EFCAB6: variants seen among roughly 807,000 people sequenced by gnomAD.
The protein encoded by EFCAB6 is EF-hand calcium-binding domain-containing protein 6.
EFCAB6 carries 156 observed loss-of-function variants against 169.8 expected under a neutral mutation model. That is an observed-to-expected ratio of 0.92 (90% CI 0.81 to 1.05). EFCAB6 has a LOEUF of 1.05. Among genes scored for constraint, EFCAB6 ranks in the 50% least tolerant of loss-of-function variants. The pLI is 0.00. For synonymous variants in EFCAB6, 698 were observed against 676.4 expected (o/e 1.03, Z -0.50); for missense variants, 1,800 against 1,829.1 (o/e 0.98, Z 0.29).
chr22:43,797,608 C>T (rs2062558349), intron 2 of EFCAB6, among the ~76,000 whole-genome samples: 1 of 152,086 alleles, frequency 6.6e-6, no homozygotes. Context: ...CCAATACACA[C>T]ACACACATGC....
At chr22:43,801,201 G>A (rs150515174) in intron 2 of EFCAB6, among the ~76,000 whole-genome samples, 2 of 152,232 alleles carry the variant, frequency 1.3e-5, no homozygotes, top group African/African-American at 4.8e-5. Flanking sequence ...GAAAAGAAAA[G>A]ACACTGTCAT....
At chr22:43,700,097 T>C (rs1189924273) in intron 10 of EFCAB6, among the ~76,000 whole-genome samples, 3 of 152,216 alleles carry the variant, frequency 2.0e-5, no homozygotes, top group African/African-American at 7.2e-5. Context: ...ACGCACACCA[T>C]GTTAGTCAAA....
intron 24 of EFCAB6, among the ~76,000 whole-genome samples, chr22:43,589,547 G>C (rs1245482496): frequency 1.3e-5 from 2 of 152,158 alleles, no homozygotes; most frequent in African/African-American, 4.8e-5. Flanking sequence ...CAGCACTTTG[G>C]GAGACTGAGG....
chr22:43,605,448 T>TC (rs1056206782), intron 22 of EFCAB6, among the ~76,000 whole-genome samples: 1 of 151,964 alleles, frequency 6.6e-6, no homozygotes, highest in African/African-American at 2.4e-5. Context: ...ATCAAGACCA[T>TC]CCTGGCCAAC....
intron 6 of EFCAB6, among the ~76,000 whole-genome samples, chr22:43,748,524 C>T (rs944665639): frequency 1.3e-5 from 2 of 152,186 alleles, no homozygotes; most frequent in Non-Finnish European, 2.9e-5. Context: ...ATGGTCCAAA[C>T]TCAAGCTCCA....
chr22:43,731,321 A>G (rs918299471), intron 8 of EFCAB6, among the ~76,000 whole-genome samples: 1 of 152,238 alleles, frequency 6.6e-6, no homozygotes, highest in African/African-American at 2.4e-5. Context: ...TTAAAGAAAA[A>G]AAGTTGAAAA....
intron 8 of EFCAB6, among the ~76,000 whole-genome samples, chr22:43,726,755 T>C (rs182643192): frequency 3.7e-4 from 57 of 152,328 alleles, no homozygotes; most frequent in East Asian, 9.6e-4. Context: ...TCCTGAACTA[T>C]AGATGTGCAG....
At chr22:43,756,411 T>C (rs952992480) in intron 5 of EFCAB6, among the ~76,000 whole-genome samples, 1 of 152,300 alleles carries the variant, frequency 6.6e-6, no homozygotes, top group East Asian at 1.9e-4. Flanking sequence ...GGTCAATGCA[T>C]CTATACCGTC....
chr22:43,591,094 GTTGTTTTTTGTTTT>G (rs1221967777), intron 23 of EFCAB6, among the ~76,000 whole-genome samples: 1 of 129,420 alleles, frequency 7.7e-6, no homozygotes, highest in Non-Finnish European at 1.6e-5. Flanking sequence ...TGTTGTTGTT[GTTGTTTTTTGTTTT>G]TTGTTTTTTT....
Position 43,610,124 on chromosome 22 carries a change from T to C in EFCAB6, c.2563-1524A>G, listed in dbSNP as rs1048108995. Among the ~76,000 whole-genome samples, 7 of 151,996 alleles carry C rather than the reference T, an allele frequency of 4.6e-5. No individual in the cohort carries two copies. In the East Asian group the frequency reaches 1.3e-3, roughly 29 times the overall value. ...AGAGAACATCTTCATGACTCCAGAG[T>C]AGAATTCTTAAACAAGATCTACAGA... is the stretch of plus-strand genomic sequence containing the variant. On this transcript the variant is annotated intron_variant, in intron 21 of 31. Transcript: ENST00000262726.
At chr22:43,626,088 CA>C (rs2054498842) in intron 20 of EFCAB6, among the ~76,000 whole-genome samples, 1 of 152,032 alleles carries the variant, frequency 6.6e-6, no homozygotes. Flanking sequence ...TATATATTTT[CA>C]TACACACATG....
intron 28 of EFCAB6, among the ~76,000 whole-genome samples, chr22:43,538,763 G>T (rs1440186729): frequency 6.6e-6 from 1 of 152,304 alleles, no homozygotes; most frequent in South Asian, 2.1e-4. Flanking sequence ...CATACCCCTT[G>T]AGTGAATGCC....
chr22:43,784,574 C>CACATATATGTGTAT (rs1569487338), intron 2 of EFCAB6, among the ~76,000 whole-genome samples: 2 of 54,802 alleles, frequency 3.6e-5, no homozygotes, highest in Non-Finnish European at 6.4e-5. Context: ...TATATGTGTA[C>CACATATATGTGTAT]ATATACACAT....
chr22:43,784,633 G>GTGTATA (rs769950101), intron 2 of EFCAB6, among the ~76,000 whole-genome samples: 1 of 64,132 alleles, frequency 1.6e-5, no homozygotes, highest in African/African-American at 6.5e-5. Flanking sequence ...ACATATATAT[G>GTGTATA]TATATGTACA....
At chr22:43,722,793 G>A (rs1569441905) in intron 8 of EFCAB6, among the ~76,000 whole-genome samples, 1 of 152,082 alleles carries the variant, frequency 6.6e-6, no homozygotes. Context: ...GCAAAGACAT[G>A]GAATAAACAT....
At chr22:43,653,198 A>C (rs1025366084) in intron 17 of EFCAB6, among the ~76,000 whole-genome samples, 1 of 152,212 alleles carries the variant, frequency 6.6e-6, no homozygotes, top group Non-Finnish European at 1.5e-5. Flanking sequence ...GATAAAACAC[A>C]TTAACCTACA....
At position 43,705,913 on chromosome 22, in the gene EFCAB6, C is replaced by T. The variant is rs137860812; in HGVS notation, c.1031+5562G>A. Among the ~76,000 whole-genome samples, 500 of 151,784 alleles carry T rather than the reference C, an allele frequency of 3.3e-3. 1 individual carries two copies. The highest frequency in any genetic ancestry group is 0.012 in the African/African-American group (480 of 41,408). ...AAAGCAGAAATAAGATACATAGAGA[C>T]TAGGAAAACAAAAGATCAATGAAGA... On this transcript the variant is annotated intron_variant, in intron 10 of 31. Coordinates refer to ENST00000262726, the MANE Select transcript of EFCAB6 (RefSeq NM_022785.4).
rs146265453 is a variant in EFCAB6, at chr22:43,796,221, C to T, written c.-8+12774G>A. Among the ~76,000 whole-genome samples the T allele has an allele frequency of 5.9e-3, 900 of 152,288 alleles. 7 individuals are homozygous for T. Among genetic ancestry groups the T allele is most frequent in the African/African-American group, 0.02 (838 of 41,554 alleles). ...GTGTCAGCCAGGTTTCCTTAATGAA[C>T]ACCCTCGACCCCATGACTGTTCAAT... is the stretch of plus-strand genomic sequence containing the variant. On this transcript the variant is annotated intron_variant, in intron 2 of 31. Transcript: ENST00000262726.
At chr22:43,598,828 T>A (rs978627172) in intron 23 of EFCAB6, among the ~76,000 whole-genome samples, 4 of 152,182 alleles carry the variant, frequency 2.6e-5, no homozygotes, top group Admixed American at 6.5e-5. Flanking sequence ...ATTTGTAGAA[T>A]TTGTAGAAAG....
Sources: allele counts gnomAD v4.1 joint callset (sites outside exome capture counted in the v4.1 genomes callset), GRCh38; gene constraint gnomAD v4.1.1; transcripts MANE v1.5; gene names NCBI Gene and HGNC (gene_info 2026-07-23, HGNC 2026-07-21).